Variants in EPSTI1 observed in about 807,000 individuals in gnomAD.
EPSTI1 encodes epithelial stromal interaction 1, also known as epithelial-stromal interaction protein 1.
Under a neutral mutation model 49.9 loss-of-function variants are expected in EPSTI1, and 66 were observed. The observed-to-expected ratio is 1.32, with a 90% CI of 1.08 to 1.62. The LOEUF is 1.62. Ranked by LOEUF, EPSTI1 falls within the 40% of genes most tolerant of loss-of-function variation. The pLI, the probability that EPSTI1 is intolerant of heterozygous loss-of-function variation, is 0.00. For synonymous variants in EPSTI1, 137 were observed against 130.7 expected, an observed-to-expected ratio of 1.05 and a Z score of -0.33; for missense variants, 394 against 365.5, an observed-to-expected ratio of 1.08 and a Z score of -0.64.
intron 6 of EPSTI1, among the ~76,000 whole-genome samples, chr13:42,928,719 GT>G (rs1474382070): frequency 6.6e-6 from 1 of 152,192 alleles, no homozygotes; most frequent in Non-Finnish European, 1.5e-5. Context: ...CTGCTAAATG[GT>G]CATGAAAATT....
At chr13:42,926,990 GACACACACACACACACACACAC>G (rs10529424) in intron 6 of EPSTI1, among the ~76,000 whole-genome samples, 1 of 144,608 alleles carries the variant, frequency 6.9e-6, no homozygotes. Flanking sequence ...TCTGTTAACA[GACACACACACACACACACACAC>G]ACACACACAC....
chr13:42,985,771 C>A (rs913899647), intron 1 of EPSTI1, among the ~76,000 whole-genome samples: 1 of 152,218 alleles, frequency 6.6e-6, no homozygotes, highest in Non-Finnish European at 1.5e-5. Context: ...CTTGCAGCAG[C>A]AATCATTAAG....
At chr13:42,986,337 T>C (rs1338622076) in intron 1 of EPSTI1, among the ~76,000 whole-genome samples, 2 of 152,234 alleles carry the variant, frequency 1.3e-5, no homozygotes, top group East Asian at 3.8e-4. Flanking sequence ...ACCCTTGGGA[T>C]TCCCAGAGTG....
chr13:42,970,735 G>C, intron 1 of EPSTI1, 65 bp from the exon 2 acceptor site: 1 of 1,301,754 alleles, frequency 7.7e-7, no homozygotes, highest in Non-Finnish European at 1.1e-6. Context: ...TAAGCCACCA[G>C]ATATTTTTCC....
intron 5 of EPSTI1, among the ~76,000 whole-genome samples, chr13:42,959,209 TAC>T (rs2039368620): frequency 6.6e-6 from 1 of 152,212 alleles, no homozygotes; most frequent in African/African-American, 2.4e-5. Context: ...GCTATCAGCC[TAC>T]ACTCTTAGTA....
chr13:42,917,641 A>G lies in EPSTI1; in HGVS notation c.658-17T>C, dbSNP rs755379304. 1 of 1,335,910 alleles carries G rather than the reference A, an allele frequency of 7.5e-7. No individual in the cohort carries two copies. Among genetic ancestry groups the G allele is most frequent in the East Asian group, 2.5e-5 (1 of 39,708 alleles). 82.8% of individuals were successfully genotyped at this position (1,335,910 alleles called of 1,614,324 possible). On this transcript the variant is annotated splice_polypyrimidine_tract_variant and intron_variant, in intron 7 of 10. Transcript: ENST00000313624. ...GCTTCTGGCCTGTAAAGGTACAAAG[A>G]GAAAAAAAAAAAAAAAAACAACTTG... is the stretch of plus-strand genomic sequence containing the variant.
At chr13:42,910,561 C>T (rs2037640355) in intron 8 of EPSTI1, among the ~76,000 whole-genome samples, 1 of 152,076 alleles carries the variant, frequency 6.6e-6, no homozygotes. Context: ...GTCCAACTCT[C>T]TTATTAAACT....
chr13:42,982,893 A>G (rs2040010933), intron 1 of EPSTI1, among the ~76,000 whole-genome samples: 1 of 152,214 alleles, frequency 6.6e-6, no homozygotes, highest in Non-Finnish European at 1.5e-5. Context: ...GTGGAGACAT[A>G]GAGACACAAA....
intron 6 of EPSTI1, among the ~76,000 whole-genome samples, chr13:42,952,355 T>C (rs2039125619): frequency 6.6e-6 from 1 of 152,154 alleles, no homozygotes; most frequent in Non-Finnish European, 1.5e-5. Context: ...GCTTCATTCT[T>C]GAAGTGAGCG....
chr13:42,943,526 G>A (rs2038826805), intron 6 of EPSTI1, among the ~76,000 whole-genome samples: 1 of 152,166 alleles, frequency 6.6e-6, no homozygotes. Flanking sequence ...GTTAAATAAT[G>A]TCCTATTAAT....
At chr13:42,895,317 C>T (rs918655700) in intron 9 of EPSTI1, among the ~76,000 whole-genome samples, 1 of 152,166 alleles carries the variant, frequency 6.6e-6, no homozygotes, top group Non-Finnish European at 1.5e-5. Context: ...TGGCTCAAGC[C>T]AAAGGGGATA....
rs11355319 is a variant in EPSTI1, at chr13:42,953,251, GAA to G, written c.563+695_563+696del. On this transcript the variant is annotated intron_variant, in intron 6 of 10. Transcript: ENST00000313624. ...TAAGATAGATATTATCTGTATTTAA[GAA>G]AAAAAAAAAAAAAACACTGACATTC... Among the ~76,000 whole-genome samples, 431 of 143,442 alleles carry G rather than the reference GAA, an allele frequency of 3.0e-3. 2 individuals are homozygous for G. The highest frequency in any genetic ancestry group is 6.0e-3 in the East Asian group (30 of 4,990). 94.1% of individuals were successfully genotyped at this position (143,442 alleles called of 152,430 possible). A position where few individuals can be genotyped will look rare whatever the true frequency, so the allele number is the denominator to read the frequency against.
intron 1 of EPSTI1, among the ~76,000 whole-genome samples, chr13:42,981,707 A>G (rs2039990335): frequency 6.6e-6 from 1 of 152,232 alleles, no homozygotes; most frequent in African/African-American, 2.4e-5. Flanking sequence ...TCTGCCATGC[A>G]TAGAACTGTG....
rs753070958 is a variant in EPSTI1, at chr13:42,888,208, T to TC, written c.*285dup. On this transcript the variant is annotated 3_prime_UTR_variant, in exon 11 of 11. Coordinates refer to ENST00000313624, the MANE Select transcript of EPSTI1 (RefSeq NM_033255.5). ...AACCTGAAAGCATCAAGTGACTCCC[T>TC]CTTTTTCTACCCTACCAACATCACT... 4.4e-6 allele frequency: 7 copies of TC among 1,602,778 alleles called. No homozygotes were observed. Among genetic ancestry groups the TC allele is most frequent in the Non-Finnish European group, 6.0e-6 (7 of 1,172,872 alleles).
At chr13:42,903,115 C>T (rs923063581) in intron 8 of EPSTI1, among the ~76,000 whole-genome samples, 3 of 152,088 alleles carry the variant, frequency 2.0e-5, no homozygotes, top group Admixed American at 6.6e-5. Context: ...TAATACAATG[C>T]ATTCTGAACA....
intron 8 of EPSTI1, among the ~76,000 whole-genome samples, chr13:42,916,690 T>C (rs17063844): frequency 0.12 from 17,615 of 152,218 alleles, 1,382 homozygotes; most frequent in African/African-American, 0.22. Context: ...AAATGTTCTA[T>C]AAGAAATAGT....
intron 6 of EPSTI1, among the ~76,000 whole-genome samples, chr13:42,941,207 T>C (rs1488827954): frequency 6.6e-6 from 1 of 152,242 alleles, no homozygotes; most frequent in Non-Finnish European, 1.5e-5. Flanking sequence ...AAATTGTCTA[T>C]TCTTTTGACA....
chr13:42,911,244 A>T (rs368773157), intron 8 of EPSTI1, among the ~76,000 whole-genome samples: 285 of 147,138 alleles, frequency 1.9e-3, no homozygotes, highest in African/African-American at 5.0e-3. Flanking sequence ...AGAGAGAGAG[A>T]GTGTGTGTGT....
Position 42,919,261 on chromosome 13 carries a change from T to A in EPSTI1, c.658-1637A>T, listed in dbSNP as rs182291315. On this transcript the variant is annotated intron_variant, in intron 7 of 10. Transcript: ENST00000313624. ...GGAAGTCACATGGCATCCAAACTTA[T>A]GAAAAGTTCAGTTACTTGCAATCCT... 4.5e-3 allele frequency: 7,307 copies of A among 1,607,702 alleles called. 29 individuals carry two copies. Among genetic ancestry groups the A allele is most frequent in the Non-Finnish European group, 5.3e-3 (6,210 of 1,174,600 alleles).
Sources: allele counts gnomAD v4.1 joint callset (sites outside exome capture counted in the v4.1 genomes callset), GRCh38; gene constraint gnomAD v4.1.1; transcripts MANE v1.5; gene names NCBI Gene and HGNC (gene_info 2026-07-23, HGNC 2026-07-21).